Variants in FTCDNL1 observed in about 807,000 individuals in gnomAD.
FTCDNL1 encodes formiminotransferase cyclodeaminase N-terminal like, also known as formiminotransferase N-terminal subdomain-containing protein.
FTCDNL1 carries 11 observed loss-of-function variants against 5.9 expected under a neutral mutation model. That is an observed-to-expected ratio of 1.87 (90% confidence interval 1.18 to 3.10). The LOEUF is 3.10. Ranked by LOEUF, FTCDNL1 falls within the 30% of genes most tolerant of loss-of-function variation. The pLI is 0.00. For missense variants in FTCDNL1, 115 were observed against 65.5 expected (o/e 1.76, Z -2.61); for synonymous variants, 58 against 24.8 (o/e 2.34, Z -3.99).
chr2:199,744,304 G>T, the FTCDNL1 span, among the ~76,000 whole-genome samples: 1 of 152,182 alleles, frequency 6.6e-6, no homozygotes. Context: ...TAAAGATACG[G>T]CCTTTAGGCA....
the FTCDNL1 span, among the ~76,000 whole-genome samples, chr2:199,664,096 G>A: frequency 6.7e-6 from 1 of 148,768 alleles, no homozygotes; most frequent in South Asian, 2.1e-4. Context: ...TAAAAAAAAA[G>A]TGTAAAAATA....
Position 199,767,246 on chromosome 2 carries a change from A to G in FTCDNL1, c.212-6411T>C, listed in dbSNP as rs559225955. ...ATGTTTCTCTGAGTATTTGTGAGTGAGCTTATCAGTTTCAGTTTTCAGGTA... is the reference window on the plus strand; with the variant it reads ...ATGTTTCTCTGAGTATTTGTGAGTGGGCTTATCAGTTTCAGTTTTCAGGTA... On this transcript the variant is annotated intron_variant, in intron 3 of 3. Coordinates refer to the FTCDNL1 transcript ENST00000416668. Among the ~76,000 whole-genome samples, 10 of 152,254 alleles carry G rather than the reference A, an allele frequency of 6.6e-5. No individual in the cohort carries two copies. In the South Asian group the frequency reaches 2.1e-3, roughly 32 times the overall value.
chr2:199,776,985 T>C (rs908418568), intron 3 of FTCDNL1, among the ~76,000 whole-genome samples: 16 of 150,852 alleles, frequency 1.1e-4, no homozygotes, highest in Non-Finnish European at 2.2e-4. Context: ...TGTGTGTGTG[T>C]GTGTGTGTGT....
the FTCDNL1 span, among the ~76,000 whole-genome samples, chr2:199,719,113 C>A: frequency 2.0e-5 from 3 of 152,116 alleles, no homozygotes; most frequent in African/African-American, 7.2e-5. Context: ...CATAAATTGT[C>A]TAGATCAGTG....
intron 3 of FTCDNL1, among the ~76,000 whole-genome samples, chr2:199,832,301 C>G (rs1215249566): frequency 6.6e-6 from 1 of 152,060 alleles, no homozygotes; most frequent in Non-Finnish European, 1.5e-5. Flanking sequence ...TCCTGTGGTG[C>G]TTTCTAATAG....
intron 3 of FTCDNL1, among the ~76,000 whole-genome samples, chr2:199,782,410 G>C (rs555175049): frequency 3.3e-5 from 5 of 152,162 alleles, no homozygotes; most frequent in Admixed American, 6.5e-5. Flanking sequence ...TCAAAATATA[G>C]AACATTTCCA....
chr2:199,685,433 A>G, the FTCDNL1 span, among the ~76,000 whole-genome samples: 88 of 152,198 alleles, frequency 5.8e-4, no homozygotes, highest in African/African-American at 2.0e-3. Context: ...TCCTCTTTCC[A>G]TCTTTACTTC....
At chr2:199,785,249 C>CTTTTTTCTTTTTTTTT (rs1699576686) in intron 3 of FTCDNL1, among the ~76,000 whole-genome samples, 1 of 76,866 alleles carries the variant, frequency 1.3e-5, no homozygotes, top group Non-Finnish European at 2.2e-5. Context: ...TTCCAAATTC[C>CTTTTTTCTTTTTTTTT]TTTTTTTTTT....
At chr2:199,837,634 G>A (rs1702842729) in intron 3 of FTCDNL1, among the ~76,000 whole-genome samples, 1 of 152,072 alleles carries the variant, frequency 6.6e-6, no homozygotes, top group African/African-American at 2.4e-5. Context: ...GTGTGAATGT[G>A]TCATGGCACA....
chr2:199,673,499 A>G, the FTCDNL1 span, among the ~76,000 whole-genome samples: 1 of 152,140 alleles, frequency 6.6e-6, no homozygotes, highest in African/African-American at 2.4e-5. Flanking sequence ...TCGTGATGAC[A>G]TCATTTTTTG....
the FTCDNL1 span, among the ~76,000 whole-genome samples, chr2:199,727,149 G>T: frequency 6.6e-6 from 1 of 152,316 alleles, no homozygotes; most frequent in East Asian, 1.9e-4. Flanking sequence ...GAGGAGGAAT[G>T]GATCCAGGTC....
chr2:199,830,002 GCATTTTC>G (rs1362029060), intron 3 of FTCDNL1, among the ~76,000 whole-genome samples: 1 of 151,406 alleles, frequency 6.6e-6, no homozygotes, highest in Non-Finnish European at 1.5e-5. Flanking sequence ...ATCAAAAAGA[GCATTTTC>G]CAACCCATAT....
At chr2:199,841,507 C>A (rs772270320) in intron 3 of FTCDNL1, among the ~76,000 whole-genome samples, 6 of 152,040 alleles carry the variant, frequency 3.9e-5, no homozygotes, top group Non-Finnish European at 7.4e-5. Flanking sequence ...TATAACCAAC[C>A]ATCCCCTCAA....
intron 3 of FTCDNL1, among the ~76,000 whole-genome samples, chr2:199,823,588 G>A (rs1332576822): frequency 6.6e-6 from 1 of 152,128 alleles, no homozygotes; most frequent in Non-Finnish European, 1.5e-5. Context: ...AGAGCTCTTG[G>A]GTGGCAAGGT....
chr2:199,776,611 C>T (rs1039563207), intron 3 of FTCDNL1, among the ~76,000 whole-genome samples: 1 of 152,146 alleles, frequency 6.6e-6, no homozygotes, highest in African/African-American at 2.4e-5. Flanking sequence ...ACCCCTAAGT[C>T]AACTGTGCAA....
Position 199,843,855 on chromosome 2 carries a change from C to A in FTCDNL1, c.211+2220G>T, listed in dbSNP as rs181773134. On this transcript the variant is annotated intron_variant, in intron 3 of 4. Transcript: ENST00000420128. The stretch of plus-strand genomic sequence containing the variant: ...CAAAAACACCTCAAGTGACATAGCT[C>A]AAATTTTTCCAAATTAACCTTACCC... Among the ~76,000 whole-genome samples, 524 of 151,872 alleles carry A rather than the reference C, an allele frequency of 3.5e-3. 4 individuals carry two copies. The highest frequency in any genetic ancestry group is 5.2e-3 in the Non-Finnish European group (352 of 68,004).
At chr2:199,783,324 C>CT in intron 3 of FTCDNL1, among the ~76,000 whole-genome samples, 1 of 152,292 alleles carries the variant, frequency 6.6e-6, no homozygotes, top group African/African-American at 2.4e-5. Context: ...ATCTCTGAGT[C>CT]TTTTTTGTTG....
At chr2:199,748,188 A>G in the FTCDNL1 span, among the ~76,000 whole-genome samples, 105,953 of 152,134 alleles carry the variant, frequency 0.7, 41,994 homozygotes, top group South Asian at 0.92. Context: ...TACTCCATAT[A>G]AGAAAAGGAA....
chr2:199,818,985 A>G (rs1265994602), intron 4 of FTCDNL1: 1 of 152,596 alleles, frequency 6.6e-6, no homozygotes, highest in Non-Finnish European at 1.5e-5. Context: ...GGGCAGGAGC[A>G]GCACAGAGAG....
Sources: allele counts gnomAD v4.1 joint callset (sites outside exome capture counted in the v4.1 genomes callset), GRCh38; gene constraint gnomAD v4.1.1; transcripts MANE v1.5; gene names NCBI Gene and HGNC (gene_info 2026-07-23, HGNC 2026-07-21).